Variants in SPON1 observed in about 807,000 individuals in gnomAD.
The protein encoded by SPON1 is spondin-1.
Under a neutral mutation model 111.7 loss-of-function variants are expected in SPON1, and 52 were observed. That is an observed-to-expected ratio of 0.47 (90% CI 0.37 to 0.59). The LOEUF (loss-of-function observed/expected upper bound fraction) is 0.59, where lower values mean the gene tolerates loss of function less well. Ranked by LOEUF, SPON1 falls within the 20% of genes least tolerant of loss-of-function variation. The probability of loss-of-function intolerance (pLI) is 0.00; values close to 1 mark genes in which losing one functional copy is unlikely to be tolerated. For missense variants in SPON1, 957 were observed against 1,068.5 expected, an observed-to-expected ratio of 0.90 and a Z score of 1.46; for synonymous variants, 410 against 395.8, an observed-to-expected ratio of 1.04 and a Z score of -0.43.
chr11:13,983,247 G>A (rs1280144235), intron 2 of SPON1, among the ~76,000 whole-genome samples: 1 of 152,232 alleles, frequency 6.6e-6, no homozygotes, highest in Non-Finnish European at 1.5e-5. Context: ...CCCTGGCTAG[G>A]CCTGGCTGTT....
At chr11:14,242,619 C>T (rs1848941215) in intron 6 of SPON1, among the ~76,000 whole-genome samples, 1 of 152,260 alleles carries the variant, frequency 6.6e-6, no homozygotes, top group African/African-American at 2.4e-5. Context: ...CAAAGTTGAG[C>T]AAAATCAACA....
intron 3 of SPON1, among the ~76,000 whole-genome samples, chr11:14,066,340 A>G (rs907717333): frequency 2.0e-5 from 3 of 152,210 alleles, no homozygotes; most frequent in Admixed American, 1.3e-4. Context: ...AAGAAATACC[A>G]TGGATAATTT....
intron 5 of SPON1, among the ~76,000 whole-genome samples, chr11:14,096,616 G>C (rs563858275): frequency 1.3e-5 from 2 of 152,286 alleles, no homozygotes; most frequent in African/African-American, 4.8e-5. Flanking sequence ...AGCAGCCACA[G>C]CTTCTGCCCA....
intron 5 of SPON1, among the ~76,000 whole-genome samples, chr11:14,101,132 G>A (rs923648484): frequency 6.6e-5 from 10 of 152,126 alleles, no homozygotes; most frequent in Admixed American, 5.9e-4. Flanking sequence ...GGGCGCAGTG[G>A]CTAATGCCTG....
chr11:14,219,559 G>T (rs1376379160), intron 6 of SPON1, among the ~76,000 whole-genome samples: 1 of 152,186 alleles, frequency 6.6e-6, no homozygotes, highest in Non-Finnish European at 1.5e-5. Flanking sequence ...ATCCTCTAAA[G>T]TTGAATGTTT....
chr11:14,160,457 A>ATT (rs1847902691), intron 6 of SPON1, among the ~76,000 whole-genome samples: 2 of 7,686 alleles, frequency 2.6e-4, no homozygotes, highest in African/African-American at 9.9e-4. Context: ...ATATATATTT[A>ATT]TATATATATA....
intron 6 of SPON1, among the ~76,000 whole-genome samples, chr11:14,209,430 G>T (rs1021515888): frequency 6.6e-6 from 1 of 151,956 alleles, no homozygotes; most frequent in Non-Finnish European, 1.5e-5. Flanking sequence ...CACCCCGACA[G>T]GCCCCGGTGT....
chr11:14,126,918 C>T (rs1847466812), intron 5 of SPON1, among the ~76,000 whole-genome samples: 1 of 152,080 alleles, frequency 6.6e-6, no homozygotes, highest in Non-Finnish European at 1.5e-5. Context: ...TTCTGCAGGC[C>T]CCAGATCAGA....
intron 5 of SPON1, among the ~76,000 whole-genome samples, chr11:14,113,198 C>G (rs1306815076): frequency 6.6e-6 from 1 of 152,218 alleles, no homozygotes; most frequent in Non-Finnish European, 1.5e-5. Flanking sequence ...AAATAACCCT[C>G]TAATCATAAA....
chr11:13,991,591 T>G (rs550641495), intron 2 of SPON1, among the ~76,000 whole-genome samples: 2 of 152,338 alleles, frequency 1.3e-5, no homozygotes, highest in Non-Finnish European at 2.9e-5. Context: ...TTCATCAAAC[T>G]TATTCTCTGT....
At chr11:14,123,440 T>C (rs958775795) in intron 5 of SPON1, among the ~76,000 whole-genome samples, 24 of 152,164 alleles carry the variant, frequency 1.6e-4, no homozygotes, top group African/African-American at 5.8e-4. Context: ...TGCTACTAAA[T>C]TGTAGCCTTT....
At chr11:14,041,420 T>G in intron 2 of SPON1, 101 bp from the exon 3 acceptor site, 3 of 1,395,050 alleles carry the variant, frequency 2.2e-6, no homozygotes, top group Non-Finnish European at 2.9e-6. Context: ...TAACATAAAA[T>G]GATAAGTTTA....
intron 5 of SPON1, among the ~76,000 whole-genome samples, chr11:14,096,555 C>T (rs1849102748): frequency 1.3e-5 from 2 of 152,154 alleles, no homozygotes; most frequent in Non-Finnish European, 2.9e-5. Flanking sequence ...TCTCTACCTA[C>T]CCACCCACTG....
intron 15 of SPON1, 78 bp downstream of exon 15, chr11:14,263,053 T>TAAAAA (rs34480564): frequency 1.4e-5 from 13 of 952,260 alleles, no homozygotes; most frequent in Admixed American, 3.4e-5. Flanking sequence ...TGGACCTGTT[T>TAAAAA]AAAAAAAAAA....
intron 4 of SPON1, 75 bp from the exon 5 acceptor site, chr11:14,079,824 T>G: frequency 7.2e-6 from 11 of 1,528,732 alleles, no homozygotes; most frequent in Non-Finnish European, 9.0e-6. Flanking sequence ...AAGGATAAAA[T>G]GAGACCATGA....
chr11:14,145,007 C>T (rs900524558), intron 6 of SPON1, among the ~76,000 whole-genome samples: 1 of 152,070 alleles, frequency 6.6e-6, no homozygotes, highest in Non-Finnish European at 1.5e-5. Flanking sequence ...GGTAAGTGGG[C>T]ACTTGTGGTT....
At chr11:14,162,859 T>A (rs7932070) in intron 6 of SPON1, among the ~76,000 whole-genome samples, 1 of 152,208 alleles carries the variant, frequency 6.6e-6, no homozygotes, top group Admixed American at 6.5e-5. Context: ...ATCATCCGGA[T>A]GCCCTAGCTC....
chr11:14,056,520 T>A (rs1020401862), intron 3 of SPON1, among the ~76,000 whole-genome samples: 2 of 152,098 alleles, frequency 1.3e-5, no homozygotes, highest in Non-Finnish European at 2.9e-5. Context: ...ATAAAGAATA[T>A]GAAGTGGCAT....
chr11:14,091,701 G>C (rs1462148821), intron 5 of SPON1, among the ~76,000 whole-genome samples: 1 of 152,068 alleles, frequency 6.6e-6, no homozygotes, highest in Non-Finnish European at 1.5e-5. Context: ...GTTCTCGCTC[G>C]CACCTTTCCC....
Sources: allele counts gnomAD v4.1 joint callset (sites outside exome capture counted in the v4.1 genomes callset), GRCh38; gene constraint gnomAD v4.1.1; transcripts MANE v1.5; gene names NCBI Gene and HGNC (gene_info 2026-07-23, HGNC 2026-07-21).